The following CNIH3 variants were observed in gnomAD, a reference collection of about 807,000 sequenced individuals.
CNIH3 encodes the protein cornichon family AMPA receptor auxiliary protein 3.
A neutral mutation model predicts 24.1 loss-of-function variants in CNIH3; 14 were observed. That is an observed-to-expected ratio of 0.58 (90% CI 0.38 to 0.91). The LOEUF is 0.91. Among genes scored for constraint, CNIH3 ranks in the 40% least tolerant of loss-of-function variants. The probability of loss-of-function intolerance (pLI) is 0.00; values close to 1 mark genes in which losing one functional copy is unlikely to be tolerated. For synonymous variants in CNIH3, 68 were observed against 73.8 expected (o/e 0.92, Z 0.40); for missense variants, 178 against 196.8 (o/e 0.90, Z 0.57).
intron 3 of CNIH3, among the ~76,000 whole-genome samples, chr1:224,598,238 A>G (rs149291082): frequency 3.7e-4 from 56 of 152,276 alleles, no homozygotes; most frequent in Non-Finnish European, 6.9e-4. Flanking sequence ...TTGACTGCAG[A>G]TGTGGTGGAA....
chr1:224,534,037 T>C (rs1329472078), intron 2 of CNIH3, among the ~76,000 whole-genome samples: 1 of 152,130 alleles, frequency 6.6e-6, no homozygotes, highest in Non-Finnish European at 1.5e-5. Flanking sequence ...TGGTGGCACA[T>C]GCCTGTGGTC....
intron 3 of CNIH3, among the ~76,000 whole-genome samples, chr1:224,558,376 G>T (rs116791024): frequency 2.2e-3 from 336 of 152,152 alleles, no homozygotes; most frequent in African/African-American, 7.7e-3. Context: ...ACATACTATT[G>T]GTCAAAGCAA....
At chr1:224,439,713 G>C (rs1674810159) in intron 1 of CNIH3, among the ~76,000 whole-genome samples, 1 of 151,948 alleles carries the variant, frequency 6.6e-6, no homozygotes, top group Admixed American at 6.5e-5. Flanking sequence ...CCAGGTTCAA[G>C]TGATTCTCCT....
chr1:224,685,634 G>A (rs1253641930), intron 3 of CNIH3, among the ~76,000 whole-genome samples: 1 of 152,244 alleles, frequency 6.6e-6, no homozygotes, highest in Non-Finnish European at 1.5e-5. Context: ...GATTTTTTGA[G>A]CCTTACATGA....
At chr1:224,444,701 G>A (rs1331727033) in intron 1 of CNIH3, among the ~76,000 whole-genome samples, 1 of 151,824 alleles carries the variant, frequency 6.6e-6, no homozygotes, top group African/African-American at 2.4e-5. Flanking sequence ...CTGGAGTGCA[G>A]TAGCGCGATC....
intron 2 of CNIH3, among the ~76,000 whole-genome samples, chr1:224,546,678 C>T (rs1256779121): frequency 1.3e-5 from 2 of 152,098 alleles, no homozygotes; most frequent in African/African-American, 4.8e-5. Context: ...TACCCTTATC[C>T]AACCCACTGC....
intron 2 of CNIH3, among the ~76,000 whole-genome samples, chr1:224,531,650 T>C (rs1390569078): frequency 6.6e-6 from 1 of 152,104 alleles, no homozygotes; most frequent in African/African-American, 2.4e-5. Flanking sequence ...CGGGAAGCAA[T>C]AGAAGGATTT....
intron 1 of CNIH3, among the ~76,000 whole-genome samples, chr1:224,452,417 T>C (rs1456596232): frequency 6.6e-6 from 1 of 152,018 alleles, no homozygotes; most frequent in Non-Finnish European, 1.5e-5. Context: ...TACAAAGTGC[T>C]GGGATTATAG....
chr1:224,582,333 T>A (rs1433990478), intron 4 of CNIH3, among the ~76,000 whole-genome samples: 1 of 152,216 alleles, frequency 6.6e-6, no homozygotes, highest in Non-Finnish European at 1.5e-5. Flanking sequence ...TTTCTTATTA[T>A]GTGCAGAGAC....
intron 3 of CNIH3, among the ~76,000 whole-genome samples, chr1:224,603,300 A>G (rs1682283994): frequency 6.6e-6 from 1 of 152,254 alleles, no homozygotes; most frequent in Admixed American, 6.5e-5. Context: ...GCATGACTCA[A>G]TCAGCTTCTG....
At chr1:224,535,884 C>T (rs1236413714) in intron 2 of CNIH3, among the ~76,000 whole-genome samples, 1 of 152,178 alleles carries the variant, frequency 6.6e-6, no homozygotes, top group Admixed American at 6.5e-5. Flanking sequence ...TCTGTGGCCT[C>T]CTGTAGAGGC....
chr1:224,568,693 G>A (rs1037730075), intron 4 of CNIH3, among the ~76,000 whole-genome samples: 3 of 151,990 alleles, frequency 2.0e-5, no homozygotes, highest in African/African-American at 7.2e-5. Flanking sequence ...GCTTGGGGCC[G>A]TAGTGAACCT....
chr1:224,482,951 G>A (rs1159545162), intron 1 of CNIH3, among the ~76,000 whole-genome samples: 1 of 152,122 alleles, frequency 6.6e-6, no homozygotes, highest in African/African-American at 2.4e-5. Context: ...TCTGGCTAGG[G>A]TTGATCTAAA....
At chr1:224,667,141 G>A (rs144076672) in intron 1 of CNIH3, among the ~76,000 whole-genome samples, 10 of 152,280 alleles carry the variant, frequency 6.6e-5, no homozygotes, top group South Asian at 2.1e-4. Flanking sequence ...ACTCTGACTC[G>A]TGAGTTGACC....
In CNIH3 at chr1:224,730,288, A is replaced by G. The variant is rs188236974; in HGVS notation, c.199-174A>G. On this transcript the variant is annotated intron_variant, in intron 3 of 5. Coordinates refer to ENST00000272133, the MANE Select transcript of CNIH3 (RefSeq NM_152495.2). ...ATAAAAAGAGGAGTGCCATAAAAAG[A>G]AGAACTTACCAGAAATGGATCTGTG... 5.1e-4 allele frequency: 287 copies of G among 565,172 alleles called. 1 individual carries two copies. The highest frequency in any genetic ancestry group is 4.7e-3 in the African/African-American group (250 of 53,562). 35.0% of individuals were successfully genotyped at this position (565,172 alleles called of 1,614,324 possible).
intron 1 of CNIH3, among the ~76,000 whole-genome samples, chr1:224,660,161 C>T (rs1685279115): frequency 6.6e-6 from 1 of 152,164 alleles, no homozygotes; most frequent in Non-Finnish European, 1.5e-5. Flanking sequence ...AGGCAATTTA[C>T]AAAAGAAAGA....
intron 3 of CNIH3, among the ~76,000 whole-genome samples, chr1:224,714,855 G>T (rs775998629): frequency 6.6e-6 from 1 of 152,170 alleles, no homozygotes; most frequent in Non-Finnish European, 1.5e-5. Flanking sequence ...CTTATAAATG[G>T]TTGTTTGCAT....
At chr1:224,516,230 G>A (rs1222779743) in intron 1 of CNIH3, among the ~76,000 whole-genome samples, 1 of 147,200 alleles carries the variant, frequency 6.8e-6, no homozygotes, top group African/African-American at 2.5e-5. Flanking sequence ...CAGGAGAATC[G>A]ATCGAACCAG....
chr1:224,595,652 C>T (rs556088641), intron 3 of CNIH3, among the ~76,000 whole-genome samples: 4 of 152,308 alleles, frequency 2.6e-5, no homozygotes, highest in African/African-American at 4.8e-5. Context: ...TATCGAAAGT[C>T]GAGATGGGCC....
Sources: allele counts gnomAD v4.1 joint callset (sites outside exome capture counted in the v4.1 genomes callset), GRCh38; gene constraint gnomAD v4.1.1; transcripts MANE v1.5; gene names NCBI Gene and HGNC (gene_info 2026-07-23, HGNC 2026-07-21).